The following SLC9A8 variants were observed in gnomAD, a reference collection of about 807,000 sequenced individuals.
The protein encoded by SLC9A8 is sodium/hydrogen exchanger 8.
In SLC9A8, 48 loss-of-function variants were observed where a neutral mutation model predicts 66.6. That is an observed-to-expected ratio of 0.72 (90% CI 0.57 to 0.92). SLC9A8 has a LOEUF of 0.92. SLC9A8 is among the 40% of genes least tolerant of loss of function. The pLI, the probability that SLC9A8 is intolerant of heterozygous loss-of-function variation, is 0.00. For synonymous variants in SLC9A8, 274 were observed against 282.6 expected (o/e 0.97, Z 0.31); for missense variants, 599 against 747.3 (o/e 0.80, Z 2.31).
At chr20:49,880,453 G>A (rs965496604) in intron 12 of SLC9A8, among the ~76,000 whole-genome samples, 1 of 152,062 alleles carries the variant, frequency 6.6e-6, no homozygotes, top group African/African-American at 2.4e-5. Flanking sequence ...ATGCATGGGA[G>A]GTCCTTCATA....
At chr20:49,839,256 C>A (rs952147806) in intron 3 of SLC9A8, among the ~76,000 whole-genome samples, 1 of 152,142 alleles carries the variant, frequency 6.6e-6, no homozygotes, top group Non-Finnish European at 1.5e-5. Context: ...AAATGATAGG[C>A]GGTAAATCTT....
chr20:49,845,164 C>G, intron 5 of SLC9A8, 45 bp downstream of exon 5: 6 of 1,415,104 alleles, frequency 4.2e-6, no homozygotes, highest in Non-Finnish European at 6.0e-6. Flanking sequence ...GACAGTTTCT[C>G]ATGTTTGTAA....
intron 2 of SLC9A8, among the ~76,000 whole-genome samples, chr20:49,821,231 T>A (rs1311510382): frequency 6.6e-6 from 1 of 152,234 alleles, no homozygotes; most frequent in East Asian, 1.9e-4. Context: ...ACTTAAATTT[T>A]TAAAAATCTA....
At position 49,891,834 on chromosome 20, in the gene SLC9A8, G is replaced by A. The variant is rs2090051093; in HGVS notation, c.*3898G>A. On this transcript the variant is annotated 3_prime_UTR_variant, in exon 16 of 16. Coordinates refer to ENST00000361573, the MANE Select transcript of SLC9A8 (RefSeq NM_015266.3). ...CCAAAGGCTTTGACGGTTTCTCCAAGTAAGGATCTGCAAATCTTGAATCGT... is the reference window on the plus strand; with the variant it reads ...CCAAAGGCTTTGACGGTTTCTCCAAATAAGGATCTGCAAATCTTGAATCGT... 1 of 152,270 alleles carries A rather than the reference G, an allele frequency of 6.6e-6. No individual in the cohort carries two copies. The highest frequency in any genetic ancestry group is 2.4e-5 in the African/African-American group (1 of 41,470). 9.4% of individuals were successfully genotyped at this position (152,270 alleles called of 1,614,324 possible). A position where few individuals can be genotyped will look rare whatever the true frequency, so the allele number is the denominator to read the frequency against.
chr20:49,882,124 C>T (rs1162302390), intron 13 of SLC9A8, among the ~76,000 whole-genome samples: 1 of 152,198 alleles, frequency 6.6e-6, no homozygotes, highest in Non-Finnish European at 1.5e-5. Context: ...GCTTCTCCTC[C>T]TTCCCACAAA....
intron 8 of SLC9A8, among the ~76,000 whole-genome samples, chr20:49,862,147 A>G (rs2088767677): frequency 6.7e-6 from 1 of 148,880 alleles, no homozygotes; most frequent in South Asian, 2.1e-4. Flanking sequence ...AATGGGTTGC[A>G]TATGCATGGG....
At chr20:49,865,578 G>A (rs1443145748) in intron 10 of SLC9A8, among the ~76,000 whole-genome samples, 8 of 152,120 alleles carry the variant, frequency 5.3e-5, no homozygotes, top group African/African-American at 1.4e-4. Flanking sequence ...CAGCAGAGAC[G>A]ACTCTGATGC....
chr20:49,878,194 G>T, intron 12 of SLC9A8, 131 bp downstream of exon 12: 4 of 484,388 alleles, frequency 8.3e-6, no homozygotes, highest in East Asian at 3.5e-5. Flanking sequence ...TTTGTTTAAA[G>T]TTTCTTTTGT....
chr20:49,834,955 A>G (rs1292109570), intron 3 of SLC9A8, among the ~76,000 whole-genome samples: 1 of 152,214 alleles, frequency 6.6e-6, no homozygotes, highest in Non-Finnish European at 1.5e-5. Context: ...TGCAAATTGA[A>G]TCAAATACAA....
intron 1 of SLC9A8, 28 bp downstream of exon 1, chr20:49,812,976 A>C (rs1448727088): frequency 1.4e-5 from 19 of 1,387,978 alleles, no homozygotes; most frequent in Admixed American, 3.5e-5. Context: ...CGGGCGGCGG[A>C]GGCGGCGGGG....
intron 11 of SLC9A8, among the ~76,000 whole-genome samples, chr20:49,876,253 G>A (rs1447812057): frequency 6.6e-6 from 1 of 152,156 alleles, no homozygotes; most frequent in African/African-American, 2.4e-5. Flanking sequence ...CAGAAAGCCA[G>A]GCTACAGATT....
At chr20:49,841,784 A>AG (rs2087770825) in intron 4 of SLC9A8, among the ~76,000 whole-genome samples, 2 of 151,860 alleles carry the variant, frequency 1.3e-5, no homozygotes, top group South Asian at 4.2e-4. Flanking sequence ...TAGTAGAGAC[A>AG]GGGTCTCACC....
rs577948800 is a variant in SLC9A8 at position 49,874,218 on chromosome 20, A to G, written c.959-487A>G. Among the ~76,000 whole-genome samples, 608 of 149,214 alleles carry G rather than the reference A, an allele frequency of 4.1e-3. 5 individuals are homozygous for G. The highest frequency in any genetic ancestry group is 0.014 in the African/African-American group (566 of 40,486). Reference sequence around the variant, plus strand: ...GCAGTGAGCCAAGATCGCACGCACTATTGCACTCCAGCCTGGGTGACAAGA... The same window carrying G: ...GCAGTGAGCCAAGATCGCACGCACTGTTGCACTCCAGCCTGGGTGACAAGA... On this transcript the variant is annotated intron_variant, in intron 10 of 15. Coordinates refer to ENST00000361573, the MANE Select transcript of SLC9A8 (RefSeq NM_015266.3).
chr20:49,839,442 A>T, intron 3 of SLC9A8, 99 bp from the exon 4 acceptor site: 1 of 702,386 alleles, frequency 1.4e-6, no homozygotes, highest in Non-Finnish European at 2.4e-6. Context: ...CACCTTGGGC[A>T]CATGTCGTCA....
At chr20:49,876,304 C>G (rs140739493) in intron 11 of SLC9A8, among the ~76,000 whole-genome samples, 2 of 152,144 alleles carry the variant, frequency 1.3e-5, no homozygotes, top group East Asian at 3.9e-4. Context: ...TAAAGCAAAT[C>G]GTCCATCCAA....
intron 3 of SLC9A8, among the ~76,000 whole-genome samples, chr20:49,834,382 T>TATAC (rs2087402542): frequency 2.2e-5 from 1 of 44,682 alleles, no homozygotes; most frequent in Non-Finnish European, 4.0e-5. Context: ...TATATATATA[T>TATAC]ACTGTGTATA....
At chr20:49,867,261 T>TG (rs1346915296) in intron 10 of SLC9A8, among the ~76,000 whole-genome samples, 3 of 152,202 alleles carry the variant, frequency 2.0e-5, no homozygotes, top group Non-Finnish European at 4.4e-5. Context: ...AACAATTTTT[T>TG]TTGTGTGTGT....
At chr20:49,829,871 G>T in intron 3 of SLC9A8, 1 of 567,498 alleles carries the variant, frequency 1.8e-6, no homozygotes, top group Non-Finnish European at 3.5e-6. Context: ...AAAGAAGGGG[G>T]TGTCTTCGGG....
rs2089788173 is a variant in SLC9A8, at chr20:49,884,289, GA to G, written c.1491+224del. 117 of 38,750 alleles carry G rather than the reference GA, an allele frequency of 3.0e-3. 1 individual carries two copies. The highest frequency in any genetic ancestry group is 0.011 in the Middle Eastern group (1 of 94). 2.4% of individuals were successfully genotyped at this position (38,750 alleles called of 1,614,324 possible). A position where few individuals can be genotyped will look rare whatever the true frequency, so the allele number is the denominator to read the frequency against. ...ACACACACACGACACACACACACAC[GA>G]CACACACACACACACACACACACAC... On this transcript the variant is annotated intron_variant, in intron 14 of 15. Coordinates refer to ENST00000361573, the MANE Select transcript of SLC9A8 (RefSeq NM_015266.3).
Sources: allele counts gnomAD v4.1 joint callset (sites outside exome capture counted in the v4.1 genomes callset), GRCh38; gene constraint gnomAD v4.1.1; transcripts MANE v1.5; gene names NCBI Gene and HGNC (gene_info 2026-07-23, HGNC 2026-07-21).